Variants in NBAS observed in about 807,000 individuals in gnomAD.
The protein encoded by NBAS is NBAS subunit of NRZ tethering complex.
Under a neutral mutation model 302.5 loss-of-function variants are expected in NBAS, and 219 were observed. That is an observed-to-expected ratio of 0.72 (90% CI 0.65 to 0.81). NBAS has a LOEUF of 0.81. Ranked by LOEUF, NBAS falls within the 30% of genes least tolerant of loss-of-function variation. The pLI, the probability that NBAS is intolerant of heterozygous loss-of-function variation, is 0.00. For synonymous variants in NBAS, 1,118 were observed against 1,021.6 expected (o/e 1.09, Z -1.80); for missense variants, 2,932 against 2,841.6 (o/e 1.03, Z -0.72).
rs145039058 is a variant in NBAS, at chr2:15,557,386, A to C, written c.173-567T>G. Among the ~76,000 whole-genome samples the C allele has an allele frequency of 2.4e-4, 37 of 152,274 alleles. 1 individual carries two copies. The East Asian group carries it at 4.4e-3, about 18-fold the overall frequency. On this transcript the variant is annotated intron_variant, in intron 2 of 51. Transcript: ENST00000281513. The stretch of plus-strand genomic sequence containing the variant: ...ATCTAAAGAATAACAGATTCTCTCT[A>C]GGTGGTATGAGGACAAATTTTTTTC...
chr2:15,258,679 C>T (rs577832566), intron 44 of NBAS, among the ~76,000 whole-genome samples: 115 of 152,228 alleles, frequency 7.6e-4, no homozygotes, highest in Non-Finnish European at 1.4e-3. Flanking sequence ...TGTCTGCTCT[C>T]GAACCCTGTT....
chr2:15,281,953 T>C (rs1430061267), intron 42 of NBAS, among the ~76,000 whole-genome samples: 2 of 152,202 alleles, frequency 1.3e-5, no homozygotes, highest in African/African-American at 2.4e-5. Context: ...TTAGGATTTC[T>C]AGATTTCTTC....
chr2:14,856,437 G>GA, the NBAS span, among the ~76,000 whole-genome samples: 1 of 152,028 alleles, frequency 6.6e-6, no homozygotes. Flanking sequence ...ACAAAACACT[G>GA]TACCAAATGA....
chr2:14,939,748 C>T, the NBAS span, among the ~76,000 whole-genome samples: 2 of 152,234 alleles, frequency 1.3e-5, no homozygotes, highest in Admixed American at 6.5e-5. Context: ...TGTGAACTTT[C>T]TTGCAGACAT....
chr2:14,836,285 T>C, the NBAS span, among the ~76,000 whole-genome samples: 1 of 151,980 alleles, frequency 6.6e-6, no homozygotes, highest in African/African-American at 2.4e-5. Context: ...TAGAAGTTTT[T>C]CATTTTATTG....
intron 50 of NBAS, among the ~76,000 whole-genome samples, chr2:15,182,187 C>T (rs1044948603): frequency 5.3e-5 from 8 of 152,206 alleles, no homozygotes; most frequent in African/African-American, 1.9e-4. Flanking sequence ...GCCTGCTGCT[C>T]GACCTCCAGG....
chr2:15,119,280 C>T, the NBAS span, among the ~76,000 whole-genome samples: 2 of 150,156 alleles, frequency 1.3e-5, no homozygotes, highest in South Asian at 4.2e-4. Context: ...TAAATAAAAA[C>T]TAACAATTTT....
rs1383533243 is a variant in NBAS at position 15,396,615 on chromosome 2, A to C, written c.3072-140T>G. ...ACAATATTATCTAAATTCATTCAGC[A>C]TTATTAATGATTCAAGAGAATTATA... is the stretch of plus-strand genomic sequence containing the variant. On this transcript the variant is annotated intron_variant, in intron 26 of 51. Coordinates refer to ENST00000281513, the MANE Select transcript of NBAS (RefSeq NM_015909.4). 7 of 564,170 alleles carry C rather than the reference A, an allele frequency of 1.2e-5. No homozygotes were observed. The Admixed American group carries it at 2.3e-4, about 19-fold the overall frequency. The allele number at this position is 564,170 out of a possible 1,614,324, so 34.9% of individuals were successfully genotyped here. A position where few individuals can be genotyped will look rare whatever the true frequency, so the allele number is the denominator to read the frequency against.
At chr2:15,445,008 G>A (rs2148523907) in intron 21 of NBAS, among the ~76,000 whole-genome samples, 1 of 150,210 alleles carries the variant, frequency 6.7e-6, no homozygotes, top group South Asian at 2.1e-4. Flanking sequence ...GGAAACAACA[G>A]GTGCTGGAGA....
At chr2:15,134,641 T>C in the NBAS span, among the ~76,000 whole-genome samples, 1 of 152,250 alleles carries the variant, frequency 6.6e-6, no homozygotes, top group African/African-American at 2.4e-5. Context: ...TGCAACTTGT[T>C]ACCTGTTGGA....
the NBAS span, among the ~76,000 whole-genome samples, chr2:14,946,492 C>CTTTCTG: frequency 6.6e-6 from 1 of 152,026 alleles, no homozygotes; most frequent in African/African-American, 2.4e-5. Context: ...GAAGATATGA[C>CTTTCTG]AATTATGAAT....
At position 15,402,253 on chromosome 2, in the gene NBAS, G is replaced by T; in HGVS notation, c.2986C>A (p.Leu996Ile). 6.2e-7 allele frequency: 1 copy of T among 1,613,566 alleles called. No individual in the cohort carries two copies. Among genetic ancestry groups the T allele is most frequent in the Non-Finnish European group, 8.5e-7 (1 of 1,179,642 alleles). Residue 996 changes from leucine (L) to isoleucine (I), a missense_variant, in exon 26 of 52, where the codon CTA (leucine) becomes ATA (isoleucine). By Grantham distance (5) the Leu-to-Ile change is conservative (BLOSUM62 2). Transcript: ENST00000281513. ...PDQDQLMAIA[L>I]ECIYTCERND... ...CGTTCACAGGTATAGATGCACTCTAGTGCTATTGCCATCAGTTGGTCCTGA... is the reference window on the plus strand; with the variant it reads ...CGTTCACAGGTATAGATGCACTCTATTGCTATTGCCATCAGTTGGTCCTGA...
rs148215458 is a variant in NBAS, at chr2:15,283,169, A to G, written c.5138+3904T>C. The stretch of plus-strand genomic sequence containing the variant: ...TACTAAGTAATAATAATAATATTTG[A>G]TGAATAAATGTGGTACTATTATATC... On this transcript the variant is annotated intron_variant, in intron 42 of 51. Coordinates refer to ENST00000281513, the MANE Select transcript of NBAS (RefSeq NM_015909.4). 5.4e-3 allele frequency among the ~76,000 whole-genome samples: 819 copies of G among 152,320 alleles called. 4 individuals are homozygous for G. Among genetic ancestry groups the G allele is most frequent in the African/African-American group, 0.017 (704 of 41,564 alleles).
chr2:15,086,518 A>G, the NBAS span, among the ~76,000 whole-genome samples: 1 of 152,208 alleles, frequency 6.6e-6, no homozygotes, highest in East Asian at 1.9e-4. Context: ...CATATTGCAG[A>G]CAGAGAGAAG....
chr2:14,933,672 G>A, the NBAS span, among the ~76,000 whole-genome samples: 1 of 152,098 alleles, frequency 6.6e-6, no homozygotes, highest in East Asian at 1.9e-4. Flanking sequence ...TTCCCTGAAG[G>A]ATGTCCAAGA....
chr2:15,342,333 A>C (rs1347089676), intron 35 of NBAS, among the ~76,000 whole-genome samples: 1 of 152,200 alleles, frequency 6.6e-6, no homozygotes, highest in Non-Finnish European at 1.5e-5. Flanking sequence ...ATCAAACAAT[A>C]AATCATGGTA....
At chr2:15,428,992 C>T (rs546891659) in intron 21 of NBAS, among the ~76,000 whole-genome samples, 2 of 150,326 alleles carry the variant, frequency 1.3e-5, no homozygotes, top group East Asian at 2.0e-4. Flanking sequence ...GAGCTCAGAT[C>T]GTGCCACTGT....
At chr2:14,979,324 C>T in the NBAS span, among the ~76,000 whole-genome samples, 1 of 152,248 alleles carries the variant, frequency 6.6e-6, no homozygotes, top group Non-Finnish European at 1.5e-5. Flanking sequence ...CTAGTGTCCT[C>T]TTAGGAGCTG....
chr2:15,475,441 AT>A (rs1320305856), intron 14 of NBAS, among the ~76,000 whole-genome samples: 1 of 152,184 alleles, frequency 6.6e-6, no homozygotes, highest in Non-Finnish European at 1.5e-5. Context: ...GAGGAAAAAA[AT>A]ATATCATTTC....
Sources: gnomAD v4.1 joint callset for allele counts (sites outside exome capture counted in the v4.1 genomes callset) on GRCh38, gnomAD v4.1.1 for gene constraint, MANE v1.5 for transcripts, NCBI Gene and HGNC (gene_info 2026-07-23, HGNC 2026-07-21) for gene names.